The following GABRG3 variants were observed in gnomAD, a reference collection of about 807,000 sequenced individuals.
The protein encoded by GABRG3 is gamma-aminobutyric acid receptor subunit gamma-3.
A neutral mutation model predicts 48.8 loss-of-function variants in GABRG3; 25 were observed. That is an observed-to-expected ratio of 0.51 (90% CI 0.37 to 0.72). GABRG3 has a LOEUF of 0.72. Ranked by LOEUF, GABRG3 falls within the 30% of genes least tolerant of loss-of-function variation. The pLI is 0.00. For missense variants in GABRG3, 394 were observed against 577.9 expected (o/e 0.68, Z 3.26); for synonymous variants, 227 against 217.6 (o/e 1.04, Z -0.38).
chr15:27,464,562 T>C (rs1026843645), intron 5 of GABRG3, among the ~76,000 whole-genome samples: 2 of 152,212 alleles, frequency 1.3e-5, no homozygotes, highest in African/African-American at 4.8e-5. Flanking sequence ...CAAAGTGGCT[T>C]CACCATTTTG....
chr15:27,418,054 C>T (rs554612271), intron 5 of GABRG3, among the ~76,000 whole-genome samples: 19 of 152,274 alleles, frequency 1.2e-4, no homozygotes, highest in Middle Eastern at 3.4e-3. Context: ...TGGATTGGCC[C>T]GCACTGAAGA....
At chr15:27,360,963 T>C (rs546034577) in intron 5 of GABRG3, among the ~76,000 whole-genome samples, 30 of 152,268 alleles carry the variant, frequency 2.0e-4, no homozygotes, top group African/African-American at 7.0e-4. Context: ...AGACTTATTC[T>C]GTGACTGACT....
intron 5 of GABRG3, among the ~76,000 whole-genome samples, chr15:27,376,567 C>A (rs1176689697): frequency 6.6e-6 from 1 of 152,208 alleles, no homozygotes; most frequent in Non-Finnish European, 1.5e-5. Context: ...TGTGCCCTCA[C>A]AGGCTCAACA....
At chr15:26,994,423 CTGA>C (rs1322630177) in intron 2 of GABRG3, among the ~76,000 whole-genome samples, 3 of 151,840 alleles carry the variant, frequency 2.0e-5, no homozygotes, top group East Asian at 3.9e-4. Context: ...TTATTTGAAA[CTGA>C]TGATAACTCA....
intron 5 of GABRG3, among the ~76,000 whole-genome samples, chr15:27,463,120 A>G (rs990987061): frequency 1.3e-5 from 2 of 152,196 alleles, no homozygotes; most frequent in Non-Finnish European, 2.9e-5. Context: ...AGTGAGCTTG[A>G]TTCAAAATTA....
chr15:27,420,405 G>A (rs1005763952), intron 5 of GABRG3, among the ~76,000 whole-genome samples: 1 of 152,194 alleles, frequency 6.6e-6, no homozygotes, highest in Non-Finnish European at 1.5e-5. Flanking sequence ...TGAAAGAAAT[G>A]GGGAGATGTT....
intron 5 of GABRG3, chr15:27,364,915 G>C (rs189351705): frequency 1.2e-3 from 180 of 152,240 alleles, no homozygotes; most frequent in African/African-American, 4.2e-3. Context: ...TAGCCTTTTT[G>C]TTTTAATTTC....
chr15:27,166,358 T>A (rs1463650270), intron 3 of GABRG3, among the ~76,000 whole-genome samples: 1 of 152,192 alleles, frequency 6.6e-6, no homozygotes, highest in Non-Finnish European at 1.5e-5. Flanking sequence ...TTTGCTCTTT[T>A]AAAAAATCAA....
At chr15:27,171,575 T>G (rs11263705) in intron 3 of GABRG3, among the ~76,000 whole-genome samples, 81,433 of 148,466 alleles carry the variant, frequency 0.55, 23,610 homozygotes, top group Middle Eastern at 0.69. Flanking sequence ...TATATATATA[T>G]AGAGAGAGAG....
In GABRG3 at chr15:26,976,693, G is replaced by A. The variant is rs1416491593; in HGVS notation, c.54-309G>A. Among the ~76,000 whole-genome samples, 2 of 152,148 alleles carry A rather than the reference G, an allele frequency of 1.3e-5. No individual in the cohort carries two copies. The highest frequency in any genetic ancestry group is 6.5e-5 in the Admixed American group (1 of 15,276). ...ATCGGGGTGGATCCAAGGGTGTGTT[G>A]CCTGCTGGTTGGCCCTCTGGTGTTG... On this transcript the variant is annotated intron_variant, in intron 1 of 9. Transcript: ENST00000615808. This position sits in a 1 kb window ranked among gnomAD's most constrained non-coding sequence, Gnocchi z 7.8.
At chr15:27,429,596 A>G (rs1888389647) in intron 5 of GABRG3, among the ~76,000 whole-genome samples, 2 of 152,148 alleles carry the variant, frequency 1.3e-5, no homozygotes, top group South Asian at 4.1e-4. Context: ...CTTTCCCCAG[A>G]TCCTGGCAAT....
At chr15:27,311,456 C>T (rs931097195) in intron 3 of GABRG3, among the ~76,000 whole-genome samples, 2 of 152,060 alleles carry the variant, frequency 1.3e-5, no homozygotes, top group African/African-American at 2.4e-5. Context: ...TGCTGATGCA[C>T]CTGCATCATC....
At chr15:27,401,428 T>C (rs960580465) in intron 5 of GABRG3, among the ~76,000 whole-genome samples, 21 of 152,356 alleles carry the variant, frequency 1.4e-4, no homozygotes, top group African/African-American at 5.1e-4. Flanking sequence ...TCACTGGTAC[T>C]TGAATATTTT....
At chr15:27,320,629 C>T (rs1893390391) in intron 3 of GABRG3, among the ~76,000 whole-genome samples, 1 of 152,096 alleles carries the variant, frequency 6.6e-6, no homozygotes, top group Non-Finnish European at 1.5e-5. Context: ...AGTCTTGCTC[C>T]TAAAAAATAA....
At chr15:27,479,228 GA>G (rs1171864721) in intron 5 of GABRG3, among the ~76,000 whole-genome samples, 1 of 152,198 alleles carries the variant, frequency 6.6e-6, no homozygotes, top group African/African-American at 2.4e-5. Flanking sequence ...TAAAAAGGAA[GA>G]ATTGTAGCAT....
intron 3 of GABRG3, among the ~76,000 whole-genome samples, chr15:27,188,482 G>C (rs923026694): frequency 6.6e-6 from 1 of 152,110 alleles, no homozygotes; most frequent in Non-Finnish European, 1.5e-5. Context: ...GGCCAGTGAT[G>C]ATGAGCATTT....
intron 5 of GABRG3, among the ~76,000 whole-genome samples, chr15:27,440,551 T>C (rs1026546815): frequency 3.3e-5 from 5 of 152,204 alleles, no homozygotes; most frequent in African/African-American, 1.2e-4. Flanking sequence ...TAAACATTCA[T>C]AGGCCTGTGT....
chr15:27,226,453 G>A (rs1352658986), intron 3 of GABRG3, among the ~76,000 whole-genome samples: 2 of 152,194 alleles, frequency 1.3e-5, no homozygotes, highest in South Asian at 4.1e-4. Context: ...CAGCTTCAGA[G>A]ACGACGTGGC....
rs866722293 is a variant in GABRG3, at chr15:27,236,892, C to A, written c.271-89917C>A. Among the ~76,000 whole-genome samples, 3 of 152,230 alleles carry A rather than the reference C, an allele frequency of 2.0e-5. No homozygotes were observed. Among genetic ancestry groups the A allele is most frequent in the African/African-American group, 7.2e-5 (3 of 41,460 alleles). Reference sequence around the variant, plus strand: ...TATTGAATATACGTATCCATCCCCCCACTCAGCAGACATTCCTGCTCCCTT... The same window carrying A: ...TATTGAATATACGTATCCATCCCCCAACTCAGCAGACATTCCTGCTCCCTT... On this transcript the variant is annotated intron_variant, in intron 3 of 9. Coordinates refer to ENST00000615808, the MANE Select transcript of GABRG3 (RefSeq NM_033223.5). This position sits in a 1 kb window ranked among gnomAD's most constrained non-coding sequence, Gnocchi z 4.4.
Sources: allele counts gnomAD v4.1 joint callset (sites outside exome capture counted in the v4.1 genomes callset), GRCh38; gene constraint gnomAD v4.1.1; non-coding constraint Gnocchi (gnomAD v3.1); transcripts MANE v1.5; gene names NCBI Gene and HGNC (gene_info 2026-07-23, HGNC 2026-07-21).